The following SLCO1A2 variants were observed in gnomAD, a reference collection of about 807,000 sequenced individuals.
SLCO1A2 encodes the protein solute carrier organic anion transporter family member 1A2.
A neutral mutation model predicts 69.0 loss-of-function variants in SLCO1A2; 67 were observed. The ratio of observed to expected loss-of-function variants is 0.97; its 90% confidence interval spans 0.80 to 1.19. The LOEUF is 1.19. Among genes scored for constraint, SLCO1A2 ranks in the 50% most tolerant of loss-of-function variants. The probability of loss-of-function intolerance (pLI) is 0.00; values close to 1 mark genes in which losing one functional copy is unlikely to be tolerated. For synonymous variants in SLCO1A2, 260 were observed against 265.9 expected (o/e 0.98, Z 0.22); for missense variants, 787 against 793.7 (o/e 0.99, Z 0.10).
intron 4 of SLCO1A2, among the ~76,000 whole-genome samples, chr12:21,310,406 C>T (rs1019598917): frequency 6.6e-6 from 1 of 152,218 alleles, no homozygotes; most frequent in African/African-American, 2.4e-5. Flanking sequence ...ATCATCTGAG[C>T]CTTCAGCGAG....
chr12:21,367,771 G>T (rs1034731979), intron 2 of SLCO1A2, among the ~76,000 whole-genome samples: 1 of 151,716 alleles, frequency 6.6e-6, no homozygotes, highest in Non-Finnish European at 1.5e-5. Context: ...GCAACTGGAA[G>T]GGATTCCTGT....
chr12:21,393,236 C>T (rs1216866833), intron 1 of SLCO1A2, among the ~76,000 whole-genome samples: 1 of 152,184 alleles, frequency 6.6e-6, no homozygotes, highest in Non-Finnish European at 1.5e-5. Flanking sequence ...AATAAACCTT[C>T]TATCAATCTA....
chr12:21,275,188 TC>T, intron 13 of SLCO1A2, 171 bp downstream of exon 13: 2 of 764,294 alleles, frequency 2.6e-6, no homozygotes, highest in South Asian at 7.3e-5. Flanking sequence ...ATTAGGAGAT[TC>T]ACCTAATGTT....
chr12:21,271,047 G>GTGAT (rs895550755), intron 14 of SLCO1A2, among the ~76,000 whole-genome samples: 3 of 151,684 alleles, frequency 2.0e-5, no homozygotes, highest in Admixed American at 1.3e-4. Flanking sequence ...ATGGACACCA[G>GTGAT]TGATTGGATT....
chr12:21,339,468 G>A (rs147607217), upstream of SLCO1A2, among the ~76,000 whole-genome samples: 236 of 152,056 alleles, frequency 1.6e-3, 1 homozygote, highest in African/African-American at 5.3e-3. Flanking sequence ...TAAACTAGCC[G>A]TGTGTTTTTG....
chr12:21,296,934 T>C (rs1194194750), intron 9 of SLCO1A2, among the ~76,000 whole-genome samples: 1 of 152,278 alleles, frequency 6.6e-6, no homozygotes, highest in African/African-American at 2.4e-5. Context: ...CTGAGGTTAG[T>C]GTGGTTGCAG....
At chr12:21,335,939 T>C (rs1952872015), upstream of SLCO1A2, among the ~76,000 whole-genome samples, 1 of 152,124 alleles carries the variant, frequency 6.6e-6, no homozygotes, top group African/African-American at 2.4e-5. Context: ...CTGTGGAAGA[T>C]ACTTGGACCC....
At chr12:21,395,727 G>A (rs1429895658), upstream of SLCO1A2, among the ~76,000 whole-genome samples, 1 of 152,170 alleles carries the variant, frequency 6.6e-6, no homozygotes, top group Non-Finnish European at 1.5e-5. Flanking sequence ...TGACCCCCGA[G>A]CAGCCTAACT....
At chr12:21,406,886 T>G (rs1433502779) in intron 1 of SLCO1A2, among the ~76,000 whole-genome samples, 1 of 152,166 alleles carries the variant, frequency 6.6e-6, no homozygotes, top group Admixed American at 6.5e-5. Context: ...GTTAGAATGT[T>G]CAAAGCAGTG....
At chr12:21,404,291 A>G (rs2048483645) in intron 1 of SLCO1A2, among the ~76,000 whole-genome samples, 1 of 152,054 alleles carries the variant, frequency 6.6e-6, no homozygotes, top group Non-Finnish European at 1.5e-5. Flanking sequence ...GGTTTGTTAC[A>G]TAGGTAAAAA....
At chr12:21,272,982 A>T (rs1055933824) in intron 14 of SLCO1A2, among the ~76,000 whole-genome samples, 7 of 152,212 alleles carry the variant, frequency 4.6e-5, no homozygotes, top group African/African-American at 1.4e-4. Flanking sequence ...CACAGTTTCA[A>T]GGATGCTAAC....
chr12:21,335,935 A>C (rs550897499), upstream of SLCO1A2, among the ~76,000 whole-genome samples: 2 of 152,144 alleles, frequency 1.3e-5, no homozygotes, highest in African/African-American at 4.8e-5. Flanking sequence ...GTTTCTGTGG[A>C]AGATACTTGG....
chr12:21,295,140 ATTAAT>A (rs1317297545), intron 10 of SLCO1A2: 2 of 152,432 alleles, frequency 1.3e-5, no homozygotes, highest in African/African-American at 4.8e-5. Context: ...TTATGTATTA[ATTAAT>A]TTATCATGTA....
chr12:21,313,555 T>C (rs971871339), intron 4 of SLCO1A2, among the ~76,000 whole-genome samples: 6 of 151,854 alleles, frequency 4.0e-5, no homozygotes, highest in African/African-American at 1.5e-4. Flanking sequence ...CTACTAAAAA[T>C]ACAAAAATTA....
upstream of SLCO1A2, among the ~76,000 whole-genome samples, chr12:21,418,206 A>G (rs1390394031): frequency 1.3e-5 from 2 of 152,222 alleles, no homozygotes; most frequent in Non-Finnish European, 2.9e-5. Context: ...GCCCCTGGAT[A>G]TCAATAGAAG....
At chr12:21,292,056 C>T (rs528494232) in intron 12 of SLCO1A2, 108 bp downstream of exon 12, 15 of 693,314 alleles carry the variant, frequency 2.2e-5, no homozygotes, top group Middle Eastern at 4.2e-4. Context: ...ATAAATGGTA[C>T]GTTAGAGCAC....
Position 21,265,014 on chromosome 12 carries a change from T to C in SLCO1A2, c.*4534A>G, listed in dbSNP as rs1051913397. On this transcript the variant is annotated 3_prime_UTR_variant, in exon 15 of 15. Coordinates refer to ENST00000683939, the MANE Select transcript of SLCO1A2 (RefSeq NM_001386879.1). Reference sequence around the variant, plus strand: ...GAAGGTGGGTCTGAGCAGGAGGACATGAGGAGAGGAGGGATGGCAGAATTT... The same window carrying C: ...GAAGGTGGGTCTGAGCAGGAGGACACGAGGAGAGGAGGGATGGCAGAATTT... 1.3e-5 allele frequency: 2 copies of C among 152,212 alleles called. No individual in the cohort carries two copies. Among genetic ancestry groups the C allele is most frequent in the African/African-American group, 2.4e-5 (1 of 41,374 alleles). 9.4% of individuals were successfully genotyped at this position (152,212 alleles called of 1,614,324 possible). A position where few individuals can be genotyped will look rare whatever the true frequency, so the allele number is the denominator to read the frequency against.
chr12:21,378,222 G>T, intron 1 of SLCO1A2: 1 of 1,613,114 alleles, frequency 6.2e-7, no homozygotes, highest in Non-Finnish European at 8.5e-7. Flanking sequence ...TTTCACATTT[G>T]TTCCATGTTA....
chr12:21,279,679 A>G (rs1301258533), intron 12 of SLCO1A2, among the ~76,000 whole-genome samples: 1 of 152,232 alleles, frequency 6.6e-6, no homozygotes, highest in Non-Finnish European at 1.5e-5. Context: ...ATACCAGCCC[A>G]TGCTATAAGA....
Sources: allele counts gnomAD v4.1 joint callset (sites outside exome capture counted in the v4.1 genomes callset), GRCh38; gene constraint gnomAD v4.1.1; transcripts MANE v1.5; gene names NCBI Gene and HGNC (gene_info 2026-07-23, HGNC 2026-07-21).